SGIP1: variants seen among roughly 807,000 people sequenced by gnomAD.
The protein encoded by SGIP1 is SH3GL interacting endocytic adaptor 1, also known as SH3-containing GRB2-like protein 3-interacting protein 1.
SGIP1 carries 38 observed loss-of-function variants against 107.5 expected under a neutral mutation model. The observed-to-expected ratio is 0.35, with a 90% confidence interval of 0.27 to 0.46. The LOEUF (loss-of-function observed/expected upper bound fraction) is 0.46. Ranked by LOEUF, SGIP1 falls within the 20% of genes least tolerant of loss-of-function variation. SGIP1 has a pLI of 1.00. For synonymous variants in SGIP1, 365 were observed against 366.1 expected (o/e 1.00, Z 0.03); for missense variants, 929 against 1,019.5 (o/e 0.91, Z 1.21).
intron 7 of SGIP1, chr1:66,660,155 GAA>G (rs1338180158): frequency 4.1e-5 from 2 of 49,290 alleles, no homozygotes; most frequent in Non-Finnish European, 6.4e-5. Context: ...GAGAAAGAAA[GAA>G]AGAAAGAAAG....
At chr1:66,692,849 A>G (rs2090159682) in intron 17 of SGIP1, among the ~76,000 whole-genome samples, 1 of 152,200 alleles carries the variant, frequency 6.6e-6, no homozygotes, top group African/African-American at 2.4e-5. Context: ...TTGGATATGA[A>G]ATCTCTCATG....
chr1:66,723,233 G>T (rs2093618359), intron 19 of SGIP1, among the ~76,000 whole-genome samples: 2 of 152,128 alleles, frequency 1.3e-5, no homozygotes, highest in Admixed American at 1.3e-4. Context: ...ATTTGGATTT[G>T]ATTTTGTCTA....
chr1:66,655,795 A>G (rs893706045), intron 7 of SGIP1, among the ~76,000 whole-genome samples: 6 of 152,136 alleles, frequency 3.9e-5, no homozygotes, highest in Admixed American at 3.3e-4. Flanking sequence ...GCAGGGCTCA[A>G]AGTTGCTCTC....
At chr1:66,617,923 G>A (rs1156690105) in intron 1 of SGIP1, among the ~76,000 whole-genome samples, 1 of 152,124 alleles carries the variant, frequency 6.6e-6, no homozygotes, top group African/African-American at 2.4e-5. Flanking sequence ...GAAGTCACGA[G>A]GAGCCTGGAC....
chr1:66,630,838 A>G (rs942913885), intron 2 of SGIP1, among the ~76,000 whole-genome samples: 3 of 12,986 alleles, frequency 2.3e-4, no homozygotes, highest in Admixed American at 2.2e-3. Context: ...AAAGAAAGAA[A>G]GAAAGAAAGA....
intron 3 of SGIP1, among the ~76,000 whole-genome samples, chr1:66,635,169 C>T (rs140621880): frequency 7.2e-5 from 11 of 152,318 alleles, no homozygotes; most frequent in African/African-American, 1.7e-4. Flanking sequence ...CAAAATCTAA[C>T]GAAGCTCATC....
At chr1:66,547,572 G>A (rs766658470) in intron 1 of SGIP1, among the ~76,000 whole-genome samples, 2 of 152,098 alleles carry the variant, frequency 1.3e-5, no homozygotes, top group Admixed American at 1.3e-4. Context: ...AGAGCTCGTC[G>A]CACTCTTGAT....
chr1:66,633,039 C>T, intron 2 of SGIP1, 31 bp from the exon 3 acceptor site: 1 of 1,411,406 alleles, frequency 7.1e-7, no homozygotes, highest in Non-Finnish European at 1.0e-6. Flanking sequence ...GATTCCTTAT[C>T]ATAATAGCTA....
At chr1:66,581,697 G>A (rs1435521856) in intron 1 of SGIP1, among the ~76,000 whole-genome samples, 1 of 151,954 alleles carries the variant, frequency 6.6e-6, no homozygotes, top group Non-Finnish European at 1.5e-5. Flanking sequence ...TGATTCATGA[G>A]AAAACTCCAA....
chr1:66,677,160 T>A, intron 13 of SGIP1, 64 bp downstream of exon 13: 1 of 1,294,904 alleles, frequency 7.7e-7, no homozygotes, highest in South Asian at 1.2e-5. Context: ...GTCTGCATAG[T>A]GAAATTAGGC....
rs146997486 is a variant in SGIP1 at position 66,718,268 on chromosome 1, C to A, written c.1631-1026C>A. 6.6e-5 allele frequency among the ~76,000 whole-genome samples: 10 copies of A among 151,992 alleles called. No individual in the cohort carries two copies. In the East Asian group the frequency reaches 1.9e-3, roughly 29 times the overall value. On this transcript the variant is annotated intron_variant, in intron 18 of 24. Transcript: ENST00000371037. ...CATTTTGTTTGGCAGGAAGGGGAAG[C>A]AGTGAGTATTACCAAAACTTCACTG...
chr1:66,634,119 AC>A, intron 3 of SGIP1: 1 of 1,609,834 alleles, frequency 6.2e-7, no homozygotes, highest in Non-Finnish European at 8.5e-7. Flanking sequence ...GCTTCTCCTC[AC>A]CTCTTGCTTC....
intron 13 of SGIP1, among the ~76,000 whole-genome samples, chr1:66,678,846 G>T (rs779825296): frequency 1.3e-5 from 2 of 152,172 alleles, no homozygotes; most frequent in Admixed American, 6.5e-5. Flanking sequence ...TGAGAGATTG[G>T]ACGGCATTCA....
At chr1:66,705,844 G>A (rs6668681) in intron 18 of SGIP1, among the ~76,000 whole-genome samples, 2 of 151,716 alleles carry the variant, frequency 1.3e-5, no homozygotes, top group Non-Finnish European at 2.9e-5. Context: ...CACAGGGAGG[G>A]GAACAACACA....
chr1:66,692,913 T>C (rs1268515638), intron 17 of SGIP1, among the ~76,000 whole-genome samples: 1 of 152,178 alleles, frequency 6.6e-6, no homozygotes, highest in Non-Finnish European at 1.5e-5. Context: ...AACAGGACTT[T>C]TTGTGTATTG....
intron 2 of SGIP1, among the ~76,000 whole-genome samples, chr1:66,631,858 C>G (rs926783422): frequency 3.3e-5 from 5 of 152,282 alleles, no homozygotes; most frequent in Middle Eastern, 3.4e-3. Context: ...AGGTTTTCTT[C>G]CAAATAATGA....
intron 1 of SGIP1, among the ~76,000 whole-genome samples, chr1:66,578,898 C>T (rs973898253): frequency 1.3e-5 from 2 of 152,038 alleles, no homozygotes; most frequent in Non-Finnish European, 2.9e-5. Flanking sequence ...TTCAGACTCC[C>T]AACCTCAGGA....
rs142869758 is a variant in SGIP1 at position 66,640,643 on chromosome 1, G to T, written c.228+810G>T. On this transcript the variant is annotated intron_variant, in intron 5 of 24. Coordinates refer to ENST00000371037, the MANE Select transcript of SGIP1 (RefSeq NM_032291.4). ...ATCAATGGAAGATAATTACAAATGCGAAGCTAGAGAGAGGGGCAGGAGCCA... is the reference window on the plus strand; with the variant it reads ...ATCAATGGAAGATAATTACAAATGCTAAGCTAGAGAGAGGGGCAGGAGCCA... 4.8e-4 allele frequency among the ~76,000 whole-genome samples: 73 copies of T among 152,264 alleles called. No individual in the cohort carries two copies. The East Asian group carries it at 5.0e-3, about 10-fold the overall frequency.
chr1:66,537,226 T>A (rs2147973685), intron 1 of SGIP1, among the ~76,000 whole-genome samples: 1 of 152,272 alleles, frequency 6.6e-6, no homozygotes, highest in Non-Finnish European at 1.5e-5. Flanking sequence ...GCATACTTTA[T>A]CTTTTGGCAG....
Sources: allele counts gnomAD v4.1 joint callset (sites outside exome capture counted in the v4.1 genomes callset), GRCh38; gene constraint gnomAD v4.1.1; transcripts MANE v1.5; gene names NCBI Gene and HGNC (gene_info 2026-07-23, HGNC 2026-07-21).